Variants in COL4A4 observed in about 807,000 individuals in gnomAD.
COL4A4 encodes collagen type IV alpha 4 chain.
COL4A4 carries 105 observed loss-of-function variants against 192.9 expected under a neutral mutation model. That is an observed-to-expected ratio of 0.54 (90% CI 0.46 to 0.64). The LOEUF is 0.64. Ranked by LOEUF, COL4A4 falls within the 30% of genes least tolerant of loss-of-function variation. The pLI is 0.00. For missense variants in COL4A4, 1,967 were observed against 2,169.3 expected, an observed-to-expected ratio of 0.91 and a Z score of 1.85; for synonymous variants, 762 against 769.9, an observed-to-expected ratio of 0.99 and a Z score of 0.17.
rs767600758 is a variant in COL4A4 at position 227,007,277 on chromosome 2, C to T, written c.*48G>A. On this transcript the variant is annotated 3_prime_UTR_variant, in exon 48 of 48. Coordinates refer to ENST00000396625, the MANE Select transcript of COL4A4 (RefSeq NM_000092.5). ...CTTAGCACAGTCTAGGAAGTCTTAG[C>T]CCCCTAGGAAGTTTCTCTTGGCCAC... 15 of 1,613,076 alleles carry T rather than the reference C, an allele frequency of 9.3e-6. No individual in the cohort carries two copies. The highest frequency in any genetic ancestry group is 4.5e-5 in the East Asian group (2 of 44,874).
At chr2:227,146,725 C>A (rs1475798664) in intron 2 of COL4A4, among the ~76,000 whole-genome samples, 3 of 152,158 alleles carry the variant, frequency 2.0e-5, no homozygotes, top group Admixed American at 6.5e-5. Flanking sequence ...TAGAGGCTGC[C>A]CACATTCCTT....
chr2:226,985,625 G>A, the COL4A4 span, among the ~76,000 whole-genome samples: 1 of 152,216 alleles, frequency 6.6e-6, no homozygotes. Flanking sequence ...GATGTACATC[G>A]GAGTCACCCG....
At chr2:227,122,012 T>C (rs2061826999) in intron 4 of COL4A4, among the ~76,000 whole-genome samples, 1 of 152,252 alleles carries the variant, frequency 6.6e-6, no homozygotes, top group Admixed American at 6.5e-5. Context: ...GCTGCTTTTA[T>C]CTAATTTCTT....
At chr2:227,000,609 T>G (rs528075830), downstream of COL4A4, among the ~76,000 whole-genome samples, 6 of 152,304 alleles carry the variant, frequency 3.9e-5, no homozygotes, top group South Asian at 1.0e-3. Context: ...CTAAGTTGGC[T>G]GGTGCTGCAG....
In COL4A4 at chr2:227,008,103, G is replaced by A. The variant is rs199760323; in HGVS notation, c.4724C>T (p.Ala1575Val). ...RCAVCEAPAQ[A>V]VAVHSQDQSI... ...CTGGTCCTGGCTGTGCACCGCCACC[G>A]CCTGGGCCGGGGCCTCGCATACCGC... Residue 1575 changes from alanine to valine, a missense_variant, in exon 47 of 48, where the codon GCG (alanine) becomes GTG (valine). Coordinates refer to ENST00000396625, the MANE Select transcript of COL4A4 (RefSeq NM_000092.5). 22 of 1,614,078 alleles carry A rather than the reference G, an allele frequency of 1.4e-5. No individual in the cohort carries two copies. In the East Asian group the frequency reaches 3.8e-4, roughly 28 times the overall value.
At chr2:227,060,305 A>G in intron 26 of COL4A4, 62 bp from the exon 27 acceptor site, 1 of 1,152,248 alleles carries the variant, frequency 8.7e-7, no homozygotes, top group Non-Finnish European at 1.3e-6. Context: ...GAACAAAATG[A>G]GATGATTTTC....
At position 227,057,549 on chromosome 2, in the gene COL4A4, T is replaced by G. The variant is rs553409887; in HGVS notation, c.2435A>C (p.Glu812Ala). 5.6e-6 allele frequency: 9 copies of G among 1,614,044 alleles called. No individual in the cohort carries two copies. The African/African-American group carries it at 1.1e-4, about 19-fold the overall frequency. Reference protein sequence around the residue: ...FLGLKGPKGREGHAGFPGVPG... With the variant: ...FLGLKGPKGRAGHAGFPGVPG... ...GACACCTGGAAACCCAGCATGTCCCTCTCTGCCTTTGGGACCTTTGAGACC... is the reference window on the plus strand; with the variant it reads ...GACACCTGGAAACCCAGCATGTCCCGCTCTGCCTTTGGGACCTTTGAGACC... Residue 812 changes from glutamate to alanine, a missense_variant, in exon 29 of 48, where the codon GAG becomes GCG. Glu to Ala is a moderately radical substitution (Grantham distance 107). Coordinates refer to ENST00000396625, the MANE Select transcript of COL4A4 (RefSeq NM_000092.5).
chr2:227,010,559 T>G, intron 45 of COL4A4, 58 bp from the exon 46 acceptor site: 2 of 1,383,264 alleles, frequency 1.4e-6, no homozygotes, highest in Non-Finnish European at 1.9e-6. Flanking sequence ...TTAACAAATA[T>G]GTTAAGCACC....
the COL4A4 span, among the ~76,000 whole-genome samples, chr2:226,973,930 A>C: frequency 8.5e-5 from 13 of 152,252 alleles, no homozygotes; most frequent in East Asian, 2.1e-3. Flanking sequence ...TTTCGTTCGC[A>C]TGGGCTCTTT....
the COL4A4 span, chr2:226,997,548 C>A: frequency 1.3e-5 from 2 of 152,322 alleles, no homozygotes; most frequent in East Asian, 3.9e-4. Flanking sequence ...GATAGGGGCT[C>A]ACTAAATGTC....
rs77137276 is a variant in COL4A4, at chr2:227,091,422, TA to T, written c.1370-1466del. ...AGCTGGAGAGTAATAGAGTAAAGGTTAAAAAAAAAAAAAAAAGACATGTAGG... is the reference window on the plus strand; with the variant it reads ...AGCTGGAGAGTAATAGAGTAAAGGTTAAAAAAAAAAAAAAAGACATGTAGG... On this transcript the variant is annotated intron_variant, in intron 20 of 47. Transcript: ENST00000396625. Among the ~76,000 whole-genome samples, 365 of 110,748 alleles carry T rather than the reference TA, an allele frequency of 3.3e-3. 2 individuals carry two copies. Among genetic ancestry groups the T allele is most frequent in the East Asian group, 5.3e-3 (20 of 3,802 alleles). The allele number at this position is 110,748 out of a possible 152,430, so 72.7% of individuals were successfully genotyped here.
the COL4A4 span, chr2:226,995,784 T>A: frequency 2.1e-6 from 1 of 474,554 alleles, no homozygotes; most frequent in Non-Finnish European, 3.7e-6. Flanking sequence ...CACGCTCCCA[T>A]CTCTCACTGC....
intron 25 of COL4A4, among the ~76,000 whole-genome samples, chr2:227,063,900 G>C (rs2150323163): frequency 6.6e-6 from 1 of 152,026 alleles, no homozygotes; most frequent in East Asian, 1.9e-4. Flanking sequence ...TGAAGGAAAA[G>C]CAATTTTGGT....
the COL4A4 span, among the ~76,000 whole-genome samples, chr2:226,968,511 G>A: frequency 6.6e-6 from 1 of 152,202 alleles, no homozygotes; most frequent in African/African-American, 2.4e-5. Context: ...AAAGTCAGCT[G>A]ATTATGGACT....
chr2:227,095,652 T>C (rs2060171866), intron 19 of COL4A4, among the ~76,000 whole-genome samples: 1 of 152,198 alleles, frequency 6.6e-6, no homozygotes, highest in Admixed American at 6.5e-5. Flanking sequence ...CCCAATACTT[T>C]GGGAGGCCGA....
chr2:227,116,069 G>A (rs1044295297), intron 7 of COL4A4, among the ~76,000 whole-genome samples: 3 of 152,236 alleles, frequency 2.0e-5, no homozygotes, highest in African/African-American at 7.2e-5. Flanking sequence ...TTAATTAGGT[G>A]CTGCAGCTGA....
chr2:227,038,597 T>C (rs1970174828), intron 37 of COL4A4, among the ~76,000 whole-genome samples: 1 of 152,220 alleles, frequency 6.6e-6, no homozygotes, highest in African/African-American at 2.4e-5. Flanking sequence ...TTTGTAATTA[T>C]GTGAAGAAAG....
intron 4 of COL4A4, among the ~76,000 whole-genome samples, chr2:227,131,710 G>T (rs910384892): frequency 1.8e-4 from 27 of 152,212 alleles, no homozygotes; most frequent in Non-Finnish European, 2.6e-4. Context: ...TAAAGTGAAG[G>T]TTCTTGAGCT....
the COL4A4 span, among the ~76,000 whole-genome samples, chr2:226,970,340 G>T: frequency 2.6e-5 from 4 of 151,970 alleles, no homozygotes; most frequent in African/African-American, 4.8e-5. Flanking sequence ...GACGGTGTCT[G>T]CTTAGAACTG....
Sources: gnomAD v4.1 joint callset for allele counts (sites outside exome capture counted in the v4.1 genomes callset) on GRCh38, gnomAD v4.1.1 for gene constraint, MANE v1.5 for transcripts, NCBI Gene and HGNC (gene_info 2026-07-23, HGNC 2026-07-21) for gene names.